The following IFT81 variants were observed in gnomAD, a reference collection of about 807,000 sequenced individuals.
IFT81 encodes the protein intraflagellar transport protein 81 homolog.
A neutral mutation model predicts 102.6 loss-of-function variants in IFT81; 72 were observed. The observed-to-expected ratio is 0.70, with a 90% CI of 0.58 to 0.85. The LOEUF (loss-of-function observed/expected upper bound fraction) is 0.85, where lower values mean the gene tolerates loss of function less well. Among genes scored for constraint, IFT81 ranks in the 40% least tolerant of loss-of-function variants. The probability of loss-of-function intolerance (pLI) is 0.00; values close to 1 mark genes in which losing one functional copy is unlikely to be tolerated. For missense variants in IFT81, 723 were observed against 787.3 expected (o/e 0.92, Z 0.98); for synonymous variants, 237 against 242.7 (o/e 0.98, Z 0.22).
chr12:110,166,693 T>C (rs569792196), intron 11 of IFT81, among the ~76,000 whole-genome samples: 318 of 151,236 alleles, frequency 2.1e-3, no homozygotes, highest in Non-Finnish European at 3.6e-3. Context: ...AATATTTTAT[T>C]GCCATCAAAT....
chr12:110,162,782 C>A, intron 10 of IFT81, 137 bp from the exon 11 acceptor site: 1 of 645,828 alleles, frequency 1.5e-6, no homozygotes. Context: ...AGTAGTAGGG[C>A]AAGGAGTATT....
intron 18 of IFT81, among the ~76,000 whole-genome samples, chr12:110,211,860 C>T (rs981846717): frequency 6.6e-6 from 1 of 152,052 alleles, no homozygotes; most frequent in Admixed American, 6.6e-5. Context: ...TGTTTAGCTG[C>T]AAGTTTTCTT....
At chr12:110,166,052 G>A (rs995589651) in intron 11 of IFT81, among the ~76,000 whole-genome samples, 4 of 152,270 alleles carry the variant, frequency 2.6e-5, no homozygotes, top group Admixed American at 2.0e-4. Context: ...GACCTTGGAC[G>A]AGTTCCTTAC....
chr12:110,203,626 G>T (rs965995194), intron 14 of IFT81: 39 of 456,996 alleles, frequency 8.5e-5, no homozygotes, highest in African/African-American at 6.7e-4. Context: ...ATTCACTATT[G>T]TCTCCCCAGC....
At chr12:110,150,079 G>A (rs183452833) in intron 10 of IFT81, among the ~76,000 whole-genome samples, 49 of 151,872 alleles carry the variant, frequency 3.2e-4, no homozygotes, top group Non-Finnish European at 5.6e-4. Flanking sequence ...AGGAGTTCTC[G>A]TTGATTTTTT....
intron 14 of IFT81, among the ~76,000 whole-genome samples, chr12:110,193,179 A>C (rs1897869881): frequency 6.6e-6 from 1 of 152,128 alleles, no homozygotes; most frequent in Admixed American, 6.6e-5. Flanking sequence ...CTCCCCCCAA[A>C]AATGACTTGC....
rs148292951 is a variant in IFT81 at position 110,203,498 on chromosome 12, T to A, written c.1558-366T>A. Reference sequence around the variant, plus strand: ...GTCCCCACTGATCCCCAAGCCTGGGTTAGGTTCCCGGGAGTCCTGTGTGCC... The same window carrying A: ...GTCCCCACTGATCCCCAAGCCTGGGATAGGTTCCCGGGAGTCCTGTGTGCC... On this transcript the variant is annotated intron_variant, in intron 14 of 18. Transcript: ENST00000242591. 7.0e-3 allele frequency: 1,315 copies of A among 187,502 alleles called. 2 individuals carry two copies. Among genetic ancestry groups the A allele is most frequent in the Non-Finnish European group, 9.3e-3 (833 of 89,344 alleles). 11.6% of individuals were successfully genotyped at this position (187,502 alleles called of 1,614,324 possible).
At chr12:110,180,598 A>G (rs773425679) in intron 12 of IFT81, 27 bp downstream of exon 12, 9 of 1,542,536 alleles carry the variant, frequency 5.8e-6, no homozygotes, top group South Asian at 2.4e-5. Context: ...TTGGGCTACT[A>G]TAAATACAAA....
chr12:110,155,603 C>T (rs184617545), intron 10 of IFT81, among the ~76,000 whole-genome samples: 7 of 152,116 alleles, frequency 4.6e-5, no homozygotes, highest in Non-Finnish European at 7.3e-5. Context: ...TGAGCCACCG[C>T]GCCCGGCCTG....
intron 3 of IFT81, among the ~76,000 whole-genome samples, chr12:110,128,551 A>T (rs1893975416): frequency 1.3e-5 from 2 of 151,736 alleles, no homozygotes; most frequent in South Asian, 4.2e-4. Context: ...GCACTTTGAG[A>T]TGCCAAGGTG....
chr12:110,191,399 G>A (rs555753055), intron 13 of IFT81, among the ~76,000 whole-genome samples: 4 of 152,092 alleles, frequency 2.6e-5, no homozygotes, highest in Middle Eastern at 3.4e-3. Context: ...TCTACCTCCC[G>A]ACCTCAAGTG....
chr12:110,130,793 T>C (rs1429388149), intron 4 of IFT81, among the ~76,000 whole-genome samples: 1 of 151,862 alleles, frequency 6.6e-6, no homozygotes, highest in Non-Finnish European at 1.5e-5. Flanking sequence ...CATATACATA[T>C]ATATATAAAA....
chr12:110,188,408 G>T (rs1897646399), intron 12 of IFT81, among the ~76,000 whole-genome samples: 1 of 151,258 alleles, frequency 6.6e-6, no homozygotes, highest in Non-Finnish European at 1.5e-5. Flanking sequence ...CTCTGCTTGT[G>T]CATATCCTAA....
intron 11 of IFT81, among the ~76,000 whole-genome samples, chr12:110,170,538 CAT>C (rs1896682013): frequency 6.6e-6 from 1 of 152,180 alleles, no homozygotes; most frequent in East Asian, 1.9e-4. Flanking sequence ...TCTCTGCTTT[CAT>C]AATTTGAAAG....
In IFT81 at chr12:110,156,699, G is replaced by A. The variant is rs752568019; in HGVS notation, c.1042-6220G>A. Reference sequence around the variant, plus strand: ...TTTAGTAGAGATGGGGTTTTGCCACGTTGGCCAGGCTGGTCTAGAACTCCT... The same window carrying A: ...TTTAGTAGAGATGGGGTTTTGCCACATTGGCCAGGCTGGTCTAGAACTCCT... On this transcript the variant is annotated intron_variant, in intron 10 of 18. Transcript: ENST00000242591. Among the ~76,000 whole-genome samples, 22 of 152,148 alleles carry A rather than the reference G, an allele frequency of 1.4e-4. 1 individual carries two copies. In the East Asian group the frequency reaches 2.9e-3, roughly 20 times the overall value.
At chr12:110,199,261 T>C (rs1898152608) in intron 14 of IFT81, among the ~76,000 whole-genome samples, 1 of 152,196 alleles carries the variant, frequency 6.6e-6, no homozygotes, top group Admixed American at 6.5e-5. Context: ...AATGAATTGA[T>C]TTTTCCCTTA....
chr12:110,151,746 A>C (rs1186470318), intron 10 of IFT81, among the ~76,000 whole-genome samples: 24 of 152,162 alleles, frequency 1.6e-4, no homozygotes, highest in Admixed American at 1.6e-3. Context: ...TATTATACAA[A>C]GATCTCTTGA....
At chr12:110,204,000 T>C in intron 15 of IFT81, 50 bp downstream of exon 15, 6 of 1,163,322 alleles carry the variant, frequency 5.2e-6, no homozygotes, top group Non-Finnish European at 7.6e-6. Flanking sequence ...TACCTGTGTG[T>C]ACACCTGTAG....
chr12:110,143,098 C>A (rs749462798), intron 8 of IFT81, among the ~76,000 whole-genome samples: 1 of 152,004 alleles, frequency 6.6e-6, no homozygotes, highest in East Asian at 1.9e-4. Context: ...GTTATTTTTG[C>A]GTATTGCGGG....
Sources: gnomAD v4.1 joint callset for allele counts (sites outside exome capture counted in the v4.1 genomes callset) on GRCh38, gnomAD v4.1.1 for gene constraint, MANE v1.5 for transcripts, NCBI Gene and HGNC (gene_info 2026-07-23, HGNC 2026-07-21) for gene names.